Variants in KIF26B observed in about 807,000 individuals in gnomAD.
The protein encoded by KIF26B is kinesin family member 26B.
KIF26B carries 63 observed loss-of-function variants against 151.2 expected under a neutral mutation model. The ratio of observed to expected loss-of-function variants is 0.42; its 90% CI spans 0.34 to 0.51. KIF26B has a LOEUF of 0.51. Ranked by LOEUF, KIF26B falls within the 20% of genes least tolerant of loss-of-function variation. The pLI is 0.07. For missense variants in KIF26B, 2,813 were observed against 2,913.6 expected (o/e 0.97, Z 0.79); for synonymous variants, 1,357 against 1,262.1 (o/e 1.08, Z -1.59).
chr1:245,526,549 G>A (rs1036138298), intron 4 of KIF26B, among the ~76,000 whole-genome samples: 4 of 152,158 alleles, frequency 2.6e-5, no homozygotes, highest in Non-Finnish European at 4.4e-5. Flanking sequence ...ATATTAGAAT[G>A]AAAGGGGGGA....
At chr1:245,520,588 C>T (rs1182549390) in intron 4 of KIF26B, among the ~76,000 whole-genome samples, 5 of 69,134 alleles carry the variant, frequency 7.2e-5, no homozygotes, top group Non-Finnish European at 1.6e-4. Flanking sequence ...ATCCATCCAT[C>T]CATCCATCCA....
intron 4 of KIF26B, among the ~76,000 whole-genome samples, chr1:245,509,909 G>A (rs1471136057): frequency 6.6e-6 from 1 of 152,000 alleles, no homozygotes; most frequent in African/African-American, 2.4e-5. Flanking sequence ...ATCTTCACCG[G>A]TTCCTGTGCT....
At chr1:245,296,894 T>C (rs1215767308) in intron 2 of KIF26B, among the ~76,000 whole-genome samples, 1 of 152,246 alleles carries the variant, frequency 6.6e-6, no homozygotes, top group Non-Finnish European at 1.5e-5. Flanking sequence ...ATTTCATTTA[T>C]GTCCCGACTT....
At chr1:245,433,738 T>TC (rs1390445459) in intron 4 of KIF26B, among the ~76,000 whole-genome samples, 1 of 152,214 alleles carries the variant, frequency 6.6e-6, no homozygotes, top group African/African-American at 2.4e-5. Flanking sequence ...TGCTTTTTTT[T>TC]CTGGCACCTG....
intron 2 of KIF26B, among the ~76,000 whole-genome samples, chr1:245,341,928 G>A (rs779694057): frequency 6.6e-6 from 1 of 152,078 alleles, no homozygotes; most frequent in Non-Finnish European, 1.5e-5. Context: ...CCCCCTTAAG[G>A]GTTAGCATGA....
intron 5 of KIF26B, among the ~76,000 whole-genome samples, chr1:245,567,640 G>A: frequency 6.6e-6 from 1 of 152,160 alleles, no homozygotes; most frequent in East Asian, 1.9e-4. Context: ...ACCAAACCAT[G>A]CTGCTCCCCC....
chr1:245,669,676 T>C (rs931816605), intron 10 of KIF26B, among the ~76,000 whole-genome samples: 1 of 151,990 alleles, frequency 6.6e-6, no homozygotes, highest in Non-Finnish European at 1.5e-5. Flanking sequence ...CAACAGAAAA[T>C]CAGTGTTGGC....
chr1:245,422,706 T>C (rs1219449163), intron 4 of KIF26B, among the ~76,000 whole-genome samples: 1 of 152,188 alleles, frequency 6.6e-6, no homozygotes, highest in Admixed American at 6.5e-5. Context: ...TTTCCACTCT[T>C]CCTGCTTGAC....
At chr1:245,385,925 G>C (rs1673532239) in intron 3 of KIF26B, among the ~76,000 whole-genome samples, 1 of 152,156 alleles carries the variant, frequency 6.6e-6, no homozygotes, top group African/African-American at 2.4e-5. Flanking sequence ...AAAGAGAGAG[G>C]ATGGTGAGGC....
chr1:245,172,396 G>C (rs1668729095), intron 2 of KIF26B, among the ~76,000 whole-genome samples: 2 of 152,228 alleles, frequency 1.3e-5, no homozygotes, highest in South Asian at 4.1e-4. Context: ...TGATGATGGA[G>C]AGGAGTTAGT....
At chr1:245,496,962 T>A (rs1660524678) in intron 4 of KIF26B, among the ~76,000 whole-genome samples, 1 of 152,104 alleles carries the variant, frequency 6.6e-6, no homozygotes, top group Non-Finnish European at 1.5e-5. Context: ...AAGACCAGCC[T>A]GACCAACATG....
chr1:245,502,243 G>A (rs1160608492), intron 4 of KIF26B, among the ~76,000 whole-genome samples: 5 of 151,982 alleles, frequency 3.3e-5, no homozygotes, highest in Non-Finnish European at 5.9e-5. Flanking sequence ...AAAAAGAAGA[G>A]GCAGGCTGGG....
chr1:245,339,964 C>A (rs1672305356), intron 2 of KIF26B, among the ~76,000 whole-genome samples: 1 of 152,254 alleles, frequency 6.6e-6, no homozygotes, highest in Admixed American at 6.5e-5. Flanking sequence ...ACCCCAGGCC[C>A]AGGGGTTTGA....
In KIF26B at chr1:245,155,051, G is replaced by A. The variant is rs1007500221; in HGVS notation, c.-374G>A. 3 of 449,308 alleles carry A rather than the reference G, an allele frequency of 6.7e-6. No individual in the cohort carries two copies. The highest frequency in any genetic ancestry group is 2.0e-5 in the African/African-American group (1 of 48,964). The allele number at this position is 449,308 out of a possible 1,614,324, so 27.8% of individuals were successfully genotyped here. ...CTCGGCTCGGCTCTCCCACCTTCCC[G>A]GCAGCGGCCGCGAGCCCTGATTGTA... On this transcript the variant is annotated 5_prime_UTR_variant, in exon 1 of 15. Transcript: ENST00000407071.
intron 2 of KIF26B, among the ~76,000 whole-genome samples, chr1:245,306,222 A>G (rs55680644): frequency 0.027 from 4,117 of 152,306 alleles, 81 homozygotes; most frequent in Non-Finnish European, 0.042. Flanking sequence ...TGGCAGTGAA[A>G]AGGAATGAAG....
chr1:245,602,480 C>A lies in KIF26B; in HGVS notation c.1351-97C>A. ...TAATTTATCCTGAGAAAGTTCAGTG[C>A]TGCCATGTGCATGTATATCGCAGAG... is the stretch of plus-strand genomic sequence containing the variant. On this transcript the variant is annotated intron_variant, in intron 5 of 14. Coordinates refer to ENST00000407071, the MANE Select transcript of KIF26B (RefSeq NM_018012.4). This position sits in a 1 kb window ranked among gnomAD's most constrained non-coding sequence, Gnocchi z 4.5. The A allele has an allele frequency of 1.1e-6, 1 of 885,476 alleles. No individual in the cohort carries two copies. The allele number at this position is 885,476 out of a possible 1,614,324, so 54.9% of individuals were successfully genotyped here.
At chr1:245,522,606 T>C (rs905505054) in intron 4 of KIF26B, among the ~76,000 whole-genome samples, 3 of 152,174 alleles carry the variant, frequency 2.0e-5, no homozygotes, top group African/African-American at 7.2e-5. Flanking sequence ...AACAGGAGAT[T>C]TCCCTGACAG....
intron 2 of KIF26B, among the ~76,000 whole-genome samples, chr1:245,260,994 TTTCCTTCCC>T (rs1221063546): frequency 1.3e-5 from 2 of 151,646 alleles, no homozygotes; most frequent in African/African-American, 2.4e-5. Flanking sequence ...CCTTCCTTCC[TTTCCTTCCC>T]TTCCTTCCCT....
At chr1:245,178,299 C>T (rs1316919814) in intron 2 of KIF26B, among the ~76,000 whole-genome samples, 1 of 152,068 alleles carries the variant, frequency 6.6e-6, no homozygotes, top group Non-Finnish European at 1.5e-5. Flanking sequence ...GAGCTGTCAT[C>T]GTGGGTTTGG....
Sources: gnomAD v4.1 joint callset for allele counts (sites outside exome capture counted in the v4.1 genomes callset) on GRCh38, gnomAD v4.1.1 for gene constraint, Gnocchi (gnomAD v3.1) non-coding constraint, MANE v1.5 for transcripts, NCBI Gene and HGNC (gene_info 2026-07-23, HGNC 2026-07-21) for gene names.